Variants in PDE4D observed in about 807,000 individuals in gnomAD.
The protein encoded by PDE4D is 3',5'-cyclic-AMP phosphodiesterase 4D.
In PDE4D, 24 loss-of-function variants were observed where a neutral mutation model predicts 87.4. The ratio of observed to expected loss-of-function variants is 0.27; its 90% confidence interval spans 0.20 to 0.39. The LOEUF (loss-of-function observed/expected upper bound fraction) is 0.39. Ranked by LOEUF, PDE4D falls within the 10% of genes least tolerant of loss-of-function variation. PDE4D has a pLI of 1.00. For missense variants in PDE4D, 714 were observed against 1,041.0 expected, an observed-to-expected ratio of 0.69 and a Z score of 4.32; for synonymous variants, 384 against 383.2, an observed-to-expected ratio of 1.00 and a Z score of -0.02.
chr5:59,507,679 A>AAAAAAAAAAAGAAAAG (rs61334148), intron 1 of PDE4D, among the ~76,000 whole-genome samples: 127 of 118,664 alleles, frequency 1.1e-3, no homozygotes, highest in African/African-American at 3.9e-3. Flanking sequence ...AAAAAAAAAA[A>AAAAAAAAAAAGAAAAG]AAAAGAAAAG....
intron 1 of PDE4D, among the ~76,000 whole-genome samples, chr5:59,825,543 C>A (rs529203882): frequency 6.6e-6 from 1 of 152,218 alleles, no homozygotes; most frequent in East Asian, 1.9e-4. Context: ...GTGTTTAGTT[C>A]TTGTCCATGG....
intron 1 of PDE4D, among the ~76,000 whole-genome samples, chr5:60,506,677 T>C (rs530038944): frequency 6.6e-6 from 1 of 151,970 alleles, no homozygotes; most frequent in East Asian, 1.9e-4. Context: ...AGTATGAAGG[T>C]TTAAGATGAA....
chr5:60,099,980 A>C (rs1050078518), intron 2 of PDE4D, among the ~76,000 whole-genome samples: 1 of 152,152 alleles, frequency 6.6e-6, no homozygotes, highest in African/African-American at 2.4e-5. Flanking sequence ...AAAGAAAGAA[A>C]ACCCTGGAAC....
At chr5:60,169,998 T>C (rs1021051295) in intron 2 of PDE4D, among the ~76,000 whole-genome samples, 1 of 152,054 alleles carries the variant, frequency 6.6e-6, no homozygotes, top group African/African-American at 2.4e-5. Flanking sequence ...GTTTTTACTC[T>C]GTACTCTGCA....
intron 2 of PDE4D, among the ~76,000 whole-genome samples, chr5:60,120,419 G>A (rs570872390): frequency 6.6e-6 from 1 of 152,290 alleles, no homozygotes; most frequent in South Asian, 2.1e-4. Context: ...GTTGCACCAA[G>A]GTATTGACAA....
intron 1 of PDE4D, among the ~76,000 whole-genome samples, chr5:60,292,461 T>C (rs1252922499): frequency 6.6e-6 from 1 of 152,228 alleles, no homozygotes; most frequent in Admixed American, 6.5e-5. Flanking sequence ...CAAGAATCTT[T>C]ATTGATTAAC....
chr5:60,282,238 T>TATATATATATATATATATATATATATATA (rs202140336), intron 1 of PDE4D, among the ~76,000 whole-genome samples: 2 of 140,728 alleles, frequency 1.4e-5, no homozygotes, highest in African/African-American at 2.7e-5. Context: ...TATATATATA[T>TATATATATATATATATATATATATATATA]TTCTCAAAAT....
chr5:60,167,566 A>T (rs548797576), intron 2 of PDE4D, among the ~76,000 whole-genome samples: 1 of 152,180 alleles, frequency 6.6e-6, no homozygotes, highest in African/African-American at 2.4e-5. Context: ...AAGTTTACAG[A>T]TTCTTTTTCT....
At chr5:60,014,108 A>AG (rs1397687128) in intron 2 of PDE4D, among the ~76,000 whole-genome samples, 1 of 151,466 alleles carries the variant, frequency 6.6e-6, no homozygotes, top group Non-Finnish European at 1.5e-5. Context: ...AAAAAAAAAA[A>AG]AAAAAAGTCT....
At chr5:59,603,238 T>C (rs1168023409) in intron 1 of PDE4D, among the ~76,000 whole-genome samples, 1 of 151,922 alleles carries the variant, frequency 6.6e-6, no homozygotes, top group East Asian at 1.9e-4. Flanking sequence ...GGAGAAAATA[T>C]TTACAAGCTA....
chr5:59,460,260 T>C (rs1447916286), intron 1 of PDE4D, among the ~76,000 whole-genome samples: 1 of 152,178 alleles, frequency 6.6e-6, no homozygotes, highest in Non-Finnish European at 1.5e-5. Flanking sequence ...TGTGAAAGTA[T>C]TTTAATAAAA....
At chr5:60,331,433 T>G (rs1475890635) in intron 1 of PDE4D, among the ~76,000 whole-genome samples, 1 of 152,268 alleles carries the variant, frequency 6.6e-6, no homozygotes, top group Non-Finnish European at 1.5e-5. Context: ...CTTCTCTTCA[T>G]GCCAACTTAT....
At chr5:59,386,611 C>T (rs1186502901) in intron 1 of PDE4D, among the ~76,000 whole-genome samples, 2 of 146,336 alleles carry the variant, frequency 1.4e-5, no homozygotes, top group African/African-American at 5.0e-5. Flanking sequence ...AGCCCAGGTA[C>T]TCCAGCCTGG....
chr5:59,662,357 C>T (rs1745394065), intron 1 of PDE4D, among the ~76,000 whole-genome samples: 1 of 152,234 alleles, frequency 6.6e-6, no homozygotes, highest in Non-Finnish European at 1.5e-5. Context: ...ACAAGGTATA[C>T]TGCAACACCT....
intron 1 of PDE4D, among the ~76,000 whole-genome samples, chr5:59,263,284 A>T (rs1762328789): frequency 6.6e-6 from 1 of 151,962 alleles, no homozygotes; most frequent in Admixed American, 6.6e-5. Flanking sequence ...AAGATGAGCA[A>T]ACCCAGTCTA....
At chr5:59,944,663 A>T (rs982543757) in intron 3 of PDE4D, among the ~76,000 whole-genome samples, 1 of 150,002 alleles carries the variant, frequency 6.7e-6, no homozygotes, top group Non-Finnish European at 1.5e-5. Context: ...GAGCCACCGC[A>T]CCCAGCAGTA....
chr5:59,230,065 G>T (rs1374729119), intron 1 of PDE4D, among the ~76,000 whole-genome samples: 1 of 152,182 alleles, frequency 6.6e-6, no homozygotes, highest in Non-Finnish European at 1.5e-5. Context: ...GGGATTATAG[G>T]CGTGAGCCAC....
intron 1 of PDE4D, among the ~76,000 whole-genome samples, chr5:59,268,326 T>C (rs573416347): frequency 6.6e-6 from 1 of 152,236 alleles, no homozygotes; most frequent in Non-Finnish European, 1.5e-5. Flanking sequence ...CTACTTTCCA[T>C]ACTTTTGAAA....
At chr5:60,111,916 A>C (rs1388258209) in intron 2 of PDE4D, among the ~76,000 whole-genome samples, 1 of 152,060 alleles carries the variant, frequency 6.6e-6, no homozygotes, top group East Asian at 1.9e-4. Flanking sequence ...TGTCTTTGCC[A>C]AACATCTAGA....
Sources: gnomAD v4.1 joint callset for allele counts (sites outside exome capture counted in the v4.1 genomes callset) on GRCh38, gnomAD v4.1.1 for gene constraint, MANE v1.5 for transcripts, NCBI Gene and HGNC (gene_info 2026-07-23, HGNC 2026-07-21) for gene names.